Variants in POLQ observed in about 807,000 individuals in gnomAD.
POLQ encodes epididymis secretory sperm binding protein.
POLQ carries 233 observed loss-of-function variants against 259.2 expected under a neutral mutation model. The ratio of observed to expected loss-of-function variants is 0.90; its 90% CI spans 0.81 to 1.00. The LOEUF (loss-of-function observed/expected upper bound fraction) is 1.00. Ranked by LOEUF, POLQ falls within the 50% of genes least tolerant of loss-of-function variation. The probability of loss-of-function intolerance (pLI) is 0.00; values close to 1 mark genes in which losing one functional copy is unlikely to be tolerated. For missense variants in POLQ, 2,871 were observed against 3,051.6 expected (o/e 0.94, Z 1.39); for synonymous variants, 1,025 against 1,048.8 (o/e 0.98, Z 0.44).
At chr3:121,461,340 T>C (rs749015684) in intron 24 of POLQ, among the ~76,000 whole-genome samples, 8 of 152,152 alleles carry the variant, frequency 5.3e-5, no homozygotes, top group Non-Finnish European at 1.2e-4. Flanking sequence ...TCCTTATTGA[T>C]AAGCACAAAT....
chr3:121,533,974 T>G (rs867807094), intron 5 of POLQ, among the ~76,000 whole-genome samples: 19 of 150,134 alleles, frequency 1.3e-4, no homozygotes, highest in Middle Eastern at 3.2e-3. Context: ...TCTCCTGGGT[T>G]CCTGCCATTC....
intron 2 of POLQ, among the ~76,000 whole-genome samples, chr3:121,542,467 A>T (rs1048104294): frequency 2.0e-5 from 3 of 152,200 alleles, no homozygotes; most frequent in Non-Finnish European, 1.5e-5. Context: ...CCTAGAAGAA[A>T]GCCTGGCATG....
chr3:121,473,312 T>C, intron 21 of POLQ, 38 bp downstream of exon 21: 1 of 1,541,200 alleles, frequency 6.5e-7, no homozygotes, highest in Non-Finnish European at 8.7e-7. Flanking sequence ...AAAAGTAGTT[T>C]AGGTTCTGCC....
Position 121,440,110 on chromosome 3 carries a change from T to C in POLQ, c.7271A>G (p.Asn2424Ser). The C allele has an allele frequency of 6.2e-7, 1 of 1,603,584 alleles. No individual in the cohort carries two copies. Among genetic ancestry groups the C allele is most frequent in the African/African-American group, 1.3e-5 (1 of 74,850 alleles). ...DSFKSRYTGI[N>S]QFMTETVKNC... is the part of the protein sequence containing the mutation. ...CTTCACTGTCTCTGTCATGAATTGA[T>C]TAATCCCTACAAAGAAAATACAGAA... Residue 2424 changes from asparagine (N) to serine (S), a missense_variant, in exon 27 of 30, where the codon AAT becomes AGT. Asn to Ser is a conservative substitution (Grantham distance 46). Around this residue, in one of 3 missense-constraint regions of POLQ, gnomAD observed 2,080 missense variants for 2,126.0 expected, o/e 0.98. Coordinates refer to ENST00000264233, the MANE Select transcript of POLQ (RefSeq NM_199420.4).
At chr3:121,519,294 C>T (rs957850985) in intron 9 of POLQ, among the ~76,000 whole-genome samples, 1 of 150,340 alleles carries the variant, frequency 6.7e-6, no homozygotes, top group South Asian at 2.1e-4. Context: ...AATACTAAAT[C>T]ATTTTATTGT....
At position 121,456,284 on chromosome 3, in the gene POLQ, C is replaced by T. The variant is rs568725737; in HGVS notation, c.7152+3766G>A. On this transcript the variant is annotated intron_variant, in intron 25 of 29. Coordinates refer to ENST00000264233, the MANE Select transcript of POLQ (RefSeq NM_199420.4). ...AACCCACAGCCAATATCACACTGAA[C>T]GGGCAAAAACTGGAAGCATTCCCTG... 4.5e-3 allele frequency among the ~76,000 whole-genome samples: 688 copies of T among 151,986 alleles called. 7 individuals carry two copies. The highest frequency in any genetic ancestry group is 0.015 in the African/African-American group (630 of 41,458).
intron 9 of POLQ, among the ~76,000 whole-genome samples, chr3:121,516,762 T>C (rs2048300513): frequency 6.6e-6 from 1 of 152,200 alleles, no homozygotes; most frequent in African/African-American, 2.4e-5. Flanking sequence ...CCAATGATGC[T>C]ACACGATACA....
rs2048040131 is a variant in POLQ, at chr3:121,489,058, T to C, written c.3873A>G (p.Leu1291=). Residue 1291 remains leucine, a synonymous_variant, in exon 16 of 30, where the codon CTA becomes CTG. Coordinates refer to ENST00000264233, the MANE Select transcript of POLQ (RefSeq NM_199420.4). ...QHENFLNISR[L]QEKTGTYTTN... The stretch of plus-strand genomic sequence containing the variant: ...TTGTATAAGTACCTGTTTTTTCTTG[T>C]AGTCTAGAAATATTTAGAAAATTCT... 4 of 1,613,274 alleles carry C rather than the reference T, an allele frequency of 2.5e-6. No homozygotes were observed. The highest frequency in any genetic ancestry group is 1.3e-5 in the African/African-American group (1 of 75,026).
chr3:121,481,865 T>A (rs2047974429), intron 18 of POLQ, 53 bp from the exon 19 acceptor site: 2 of 1,494,348 alleles, frequency 1.3e-6, no homozygotes, highest in Non-Finnish European at 1.8e-6. Context: ...AAGACACTTA[T>A]GTACCTCTAA....
chr3:121,533,995 GC>G (rs1318618326), intron 5 of POLQ, among the ~76,000 whole-genome samples: 5 of 143,040 alleles, frequency 3.5e-5, no homozygotes, highest in Non-Finnish European at 7.5e-5. Context: ...TCCTGCCTCA[GC>G]CTCCCGAGTA....
chr3:121,513,235 T>C (rs760049088), intron 9 of POLQ, among the ~76,000 whole-genome samples: 1 of 152,036 alleles, frequency 6.6e-6, no homozygotes, highest in Non-Finnish European at 1.5e-5. Flanking sequence ...CAAGATAGGA[T>C]AAAGTGAAGG....
chr3:121,541,076 T>C (rs1343257797), intron 3 of POLQ, among the ~76,000 whole-genome samples: 3 of 152,106 alleles, frequency 2.0e-5, no homozygotes, highest in Non-Finnish European at 4.4e-5. Context: ...AGATGGGGTT[T>C]CCCCATGTTG....
chr3:121,442,256 T>C (rs1200523597), intron 26 of POLQ, among the ~76,000 whole-genome samples: 1 of 152,112 alleles, frequency 6.6e-6, no homozygotes, highest in Admixed American at 6.5e-5. Context: ...TGAGGGAAAA[T>C]GGGGTACCCA....
At chr3:121,456,699 G>A (rs1343092024) in intron 25 of POLQ, among the ~76,000 whole-genome samples, 1 of 151,838 alleles carries the variant, frequency 6.6e-6, no homozygotes, top group Non-Finnish European at 1.5e-5. Flanking sequence ...CCTCTTCAAG[G>A]AGAACTACAA....
chr3:121,476,736 G>A lies in POLQ; in HGVS notation c.6212-3C>T, dbSNP rs1179361017. ...CATTTCCACCTTACGGAAAACATCTGGAAGAAAAAAGAAAATTAAAACGTT... is the reference window on the plus strand; with the variant it reads ...CATTTCCACCTTACGGAAAACATCTAGAAGAAAAAAGAAAATTAAAACGTT... On this transcript the variant is annotated splice_polypyrimidine_tract_variant and splice_region_variant and intron_variant, in intron 19 of 29. Coordinates refer to ENST00000264233, the MANE Select transcript of POLQ (RefSeq NM_199420.4). The A allele has an allele frequency of 1.3e-6, 2 of 1,592,264 alleles. No individual in the cohort carries two copies. Among genetic ancestry groups the A allele is most frequent in the Non-Finnish European group, 1.7e-6 (2 of 1,170,544 alleles).
intron 6 of POLQ, among the ~76,000 whole-genome samples, chr3:121,530,136 T>C (rs2048400681): frequency 6.6e-6 from 1 of 152,142 alleles, no homozygotes; most frequent in Admixed American, 6.5e-5. Context: ...TATCCTCAAC[T>C]TAAAATGATT....
At position 121,497,679 on chromosome 3, in the gene POLQ, C is replaced by T. The variant is rs137952428; in HGVS notation, c.2154-747G>A. 4.6e-5 allele frequency among the ~76,000 whole-genome samples: 7 copies of T among 152,266 alleles called. No individual in the cohort carries two copies. In the East Asian group the frequency reaches 5.8e-4, roughly 13 times the overall value. On this transcript the variant is annotated intron_variant, in intron 13 of 29. Coordinates refer to ENST00000264233, the MANE Select transcript of POLQ (RefSeq NM_199420.4). Reference sequence around the variant, plus strand: ...CTCAAACTCCTGACCTCAAGTGATCCGCCCACTTTGGCCTCCCAAAGTGCT... The same window carrying T: ...CTCAAACTCCTGACCTCAAGTGATCTGCCCACTTTGGCCTCCCAAAGTGCT...
intron 5 of POLQ, among the ~76,000 whole-genome samples, chr3:121,533,841 G>A (rs1397731188): frequency 6.6e-6 from 1 of 150,876 alleles, no homozygotes; most frequent in African/African-American, 2.4e-5. Flanking sequence ...GTAATTTACA[G>A]TTCCCTGATA....
intron 7 of POLQ, among the ~76,000 whole-genome samples, chr3:121,525,516 T>C (rs879467399): frequency 7.9e-5 from 12 of 152,218 alleles, no homozygotes; most frequent in Admixed American, 7.8e-4. Flanking sequence ...GTGGTGGCAG[T>C]AGAGGCAGGC....
Sources: gnomAD v4.1 joint callset for allele counts (sites outside exome capture counted in the v4.1 genomes callset) on GRCh38, gnomAD v4.1.1 for gene constraint, gnomAD v4.1.1 regional missense constraint, MANE v1.5 for transcripts, NCBI Gene and HGNC (gene_info 2026-07-23, HGNC 2026-07-21) for gene names.